PTPRT: variants seen among roughly 807,000 people sequenced by gnomAD.
The protein encoded by PTPRT is receptor-type tyrosine-protein phosphatase T.
Under a neutral mutation model 176.8 loss-of-function variants are expected in PTPRT, and 56 were observed. That is an observed-to-expected ratio of 0.32 (90% CI 0.26 to 0.40). The LOEUF is 0.40. PTPRT is among the 10% of genes least tolerant of loss of function. The pLI is 1.00. For missense variants in PTPRT, 1,540 were observed against 1,908.2 expected (o/e 0.81, Z 3.60); for synonymous variants, 783 against 739.0 (o/e 1.06, Z -0.96).
chr20:42,068,404 G>A (rs1269904494), downstream of PTPRT, among the ~76,000 whole-genome samples: 1 of 152,150 alleles, frequency 6.6e-6, no homozygotes, highest in African/African-American at 2.4e-5. Context: ...TGCCAACAAG[G>A]TGCTCTTACC....
chr20:43,094,185 T>C (rs1288911929), intron 1 of PTPRT, among the ~76,000 whole-genome samples: 2 of 151,050 alleles, frequency 1.3e-5, no homozygotes, highest in Non-Finnish European at 2.9e-5. Flanking sequence ...CCTCCCGGGT[T>C]CACGCCATTC....
chr20:42,540,402 A>G (rs2072558003), intron 7 of PTPRT, among the ~76,000 whole-genome samples: 1 of 152,276 alleles, frequency 6.6e-6, no homozygotes, highest in African/African-American at 2.4e-5. Flanking sequence ...AAAAAAAGAA[A>G]AAAAAGAAGT....
intron 1 of PTPRT, among the ~76,000 whole-genome samples, chr20:43,099,302 C>G (rs1471740538): frequency 6.6e-6 from 1 of 152,014 alleles, no homozygotes; most frequent in Non-Finnish European, 1.5e-5. Flanking sequence ...GTCACAGCAC[C>G]CTGTGTAATA....
chr20:42,496,519 C>T (rs1227003264), intron 7 of PTPRT, among the ~76,000 whole-genome samples: 1 of 152,060 alleles, frequency 6.6e-6, no homozygotes, highest in Non-Finnish European at 1.5e-5. Flanking sequence ...CTTCTGGCAC[C>T]AGTTCAGAAG....
intron 1 of PTPRT, among the ~76,000 whole-genome samples, chr20:43,087,929 AC>A (rs1251499098): frequency 1.3e-5 from 2 of 152,206 alleles, no homozygotes; most frequent in African/African-American, 4.8e-5. Flanking sequence ...ATTAAAGGTT[AC>A]AAAATTACAG....
chr20:42,313,928 T>A (rs16986764), intron 12 of PTPRT, among the ~76,000 whole-genome samples: 12,129 of 152,144 alleles, frequency 0.08, 646 homozygotes, highest in East Asian at 0.24. Flanking sequence ...TATGTGGACA[T>A]TCTAAATGTT....
At chr20:42,490,783 G>A (rs1177808831) in intron 7 of PTPRT, among the ~76,000 whole-genome samples, 2 of 152,084 alleles carry the variant, frequency 1.3e-5, no homozygotes, top group African/African-American at 4.8e-5. Flanking sequence ...GAATGCACCT[G>A]CATTTTCTAC....
rs540695383 is a variant in PTPRT, at chr20:42,601,383, G to A, written c.1153+76483C>T. On this transcript the variant is annotated intron_variant, in intron 7 of 30. Coordinates refer to ENST00000373187, the MANE Select transcript of PTPRT (RefSeq NM_007050.6). ...GTCACAAAAGCATTATCTACAAATC[G>A]CTTTGTAGGCCATCAAGCATCAGCA... is the stretch of plus-strand genomic sequence containing the variant. Among the ~76,000 whole-genome samples, 163 of 152,102 alleles carry A rather than the reference G, an allele frequency of 1.1e-3. 2 individuals are homozygous for A. The highest frequency in any genetic ancestry group is 3.2e-3 in the Middle Eastern group (1 of 316).
chr20:42,197,765 A>G (rs1991290008), intron 16 of PTPRT, among the ~76,000 whole-genome samples: 2 of 152,064 alleles, frequency 1.3e-5, no homozygotes, highest in Admixed American at 1.3e-4. Flanking sequence ...AGAGAGGGTG[A>G]GTACAGCCAA....
intron 1 of PTPRT, among the ~76,000 whole-genome samples, chr20:42,986,387 A>G (rs1983582238): frequency 6.6e-6 from 1 of 152,156 alleles, no homozygotes; most frequent in African/African-American, 2.4e-5. Flanking sequence ...TTTTAGGACG[A>G]CCAGCGTTTG....
At chr20:42,593,655 T>C (rs559827364) in intron 7 of PTPRT, among the ~76,000 whole-genome samples, 38 of 152,244 alleles carry the variant, frequency 2.5e-4, no homozygotes, top group African/African-American at 8.9e-4. Context: ...AGATTAATAA[T>C]GACAATAGAG....
chr20:42,448,556 A>G (rs2070772508), intron 8 of PTPRT, among the ~76,000 whole-genome samples: 1 of 152,158 alleles, frequency 6.6e-6, no homozygotes, highest in African/African-American at 2.4e-5. Context: ...GTTCCAATAA[A>G]ACTTTATTTA....
the PTPRT span, among the ~76,000 whole-genome samples, chr20:42,059,009 TA>T: frequency 6.6e-6 from 1 of 152,104 alleles, no homozygotes; most frequent in Non-Finnish European, 1.5e-5. Context: ...CCAGACCTAA[TA>T]AAAATGCATC....
At chr20:42,088,439 C>T (rs6065433) in intron 27 of PTPRT, among the ~76,000 whole-genome samples, 49,926 of 152,030 alleles carry the variant, frequency 0.33, 9,211 homozygotes, top group African/African-American at 0.51. Flanking sequence ...TGTGAAAATA[C>T]CTTCATTCTC....
At chr20:42,813,528 T>G (rs1295178876) in intron 2 of PTPRT, among the ~76,000 whole-genome samples, 1 of 152,146 alleles carries the variant, frequency 6.6e-6, no homozygotes, top group Non-Finnish European at 1.5e-5. Flanking sequence ...GCCATGACAT[T>G]TCTTACCTTC....
intron 9 of PTPRT, among the ~76,000 whole-genome samples, chr20:42,395,990 G>C (rs78383928): frequency 6.6e-6 from 1 of 152,084 alleles, no homozygotes; most frequent in South Asian, 2.1e-4. Context: ...TCGTGCATAG[G>C]CTGACTCCCC....
At chr20:42,809,467 T>C (rs538715353) in intron 2 of PTPRT, among the ~76,000 whole-genome samples, 1 of 152,306 alleles carries the variant, frequency 6.6e-6, no homozygotes, top group Non-Finnish European at 1.5e-5. Flanking sequence ...CTTGGAGCCC[T>C]TTCCAGCCAT....
At chr20:42,349,191 A>ATC (rs1326322940) in intron 11 of PTPRT, among the ~76,000 whole-genome samples, 1 of 152,176 alleles carries the variant, frequency 6.6e-6, no homozygotes, top group African/African-American at 2.4e-5. Flanking sequence ...GGCTGCATGC[A>ATC]TCTCTCTAGT....
intron 1 of PTPRT, among the ~76,000 whole-genome samples, chr20:42,927,269 GA>G (rs960233127): frequency 2.0e-5 from 3 of 152,084 alleles, no homozygotes; most frequent in Non-Finnish European, 4.4e-5. Context: ...AAAGATTGTA[GA>G]AAAAAGGGGG....
Sources: gnomAD v4.1 joint callset for allele counts (sites outside exome capture counted in the v4.1 genomes callset) on GRCh38, gnomAD v4.1.1 for gene constraint, MANE v1.5 for transcripts, NCBI Gene and HGNC (gene_info 2026-07-23, HGNC 2026-07-21) for gene names.